TK2: variants seen among roughly 807,000 people sequenced by gnomAD.
The protein encoded by TK2 is thymidine kinase 2, mitochondrial.
In TK2, 35 loss-of-function variants were observed where a neutral mutation model predicts 41.9. The observed-to-expected ratio is 0.84, with a 90% CI of 0.64 to 1.11. The LOEUF (loss-of-function observed/expected upper bound fraction) is 1.11, where lower values mean the gene tolerates loss of function less well. TK2 is among the 50% of genes least tolerant of loss of function. TK2 has a pLI of 0.00. For synonymous variants in TK2, 128 were observed against 129.1 expected (o/e 0.99, Z 0.06); for missense variants, 320 against 351.1 (o/e 0.91, Z 0.71).
intron 6 of TK2, among the ~76,000 whole-genome samples, chr16:66,522,261 G>A (rs1964802510): frequency 6.6e-6 from 1 of 152,188 alleles, no homozygotes; most frequent in South Asian, 2.1e-4. Flanking sequence ...TTTCAGTCTA[G>A]ACAGGAGCTG....
At chr16:66,546,753 AT>A (rs201152895) in intron 2 of TK2, 10,429 of 135,556 alleles carry the variant, frequency 0.077, 413 homozygotes, top group South Asian at 0.18. Context: ...CTACTATTTG[AT>A]TTTTTTTTTT....
chr16:66,526,071 C>T (rs1201019032), intron 6 of TK2, among the ~76,000 whole-genome samples: 2 of 152,098 alleles, frequency 1.3e-5, no homozygotes, highest in East Asian at 3.9e-4. Context: ...GCGTGAGTTA[C>T]CAAAGCCCAT....
At chr16:66,542,933 C>T (rs1002701545) in intron 2 of TK2, among the ~76,000 whole-genome samples, 3 of 152,140 alleles carry the variant, frequency 2.0e-5, no homozygotes, top group Non-Finnish European at 4.4e-5. Context: ...AGCACAGTGG[C>T]GTGATCTCAG....
chr16:66,518,595 C>G (rs1036926431), intron 6 of TK2, among the ~76,000 whole-genome samples: 1 of 152,100 alleles, frequency 6.6e-6, no homozygotes, highest in Non-Finnish European at 1.5e-5. Flanking sequence ...CTGTTTAAAC[C>G]AATAAAAAAC....
At chr16:66,540,166 CTTTT>C (rs1312063566) in intron 3 of TK2, among the ~76,000 whole-genome samples, 103 of 143,240 alleles carry the variant, frequency 7.2e-4, no homozygotes, top group African/African-American at 2.5e-3. Flanking sequence ...TTCTTTCTTT[CTTTT>C]TTCTTTTTTT....
Position 66,511,902 on chromosome 16 carries a change from T to C in TK2, c.*66A>G, listed in dbSNP as rs1215562161. On this transcript the variant is annotated 3_prime_UTR_variant, in exon 10 of 10. Coordinates refer to ENST00000544898, the MANE Select transcript of TK2 (RefSeq NM_004614.5). ...CTCCTGGGAGCAAGTTTTTCCAGAT[T>C]GCTCCCAATAGCTAACTTGGCAGCA... 1 of 1,470,626 alleles carries C rather than the reference T, an allele frequency of 6.8e-7. No homozygotes were observed. Among genetic ancestry groups the C allele is most frequent in the East Asian group, 2.3e-5 (1 of 44,170 alleles). The allele number at this position is 1,470,626 out of a possible 1,614,324, so 91.1% of individuals were successfully genotyped here.
intron 8 of TK2, among the ~76,000 whole-genome samples, chr16:66,515,421 A>G (rs1964583471): frequency 6.6e-6 from 1 of 152,218 alleles, no homozygotes; most frequent in Non-Finnish European, 1.5e-5. Context: ...GCGGAGCCCA[A>G]GGGAAAAGGG....
intron 2 of TK2, among the ~76,000 whole-genome samples, chr16:66,548,330 C>G (rs770526211): frequency 2.6e-5 from 4 of 152,194 alleles, no homozygotes; most frequent in Non-Finnish European, 5.9e-5. Flanking sequence ...CCAAGCCACC[C>G]CCTTCCCAGC....
At chr16:66,526,167 G>C (rs1038149903) in intron 6 of TK2, among the ~76,000 whole-genome samples, 3 of 152,166 alleles carry the variant, frequency 2.0e-5, no homozygotes, top group Admixed American at 6.5e-5. Flanking sequence ...CTACAGGTTT[G>C]GGGGTAGGAT....
chr16:66,527,497 T>C (rs1246720921), intron 6 of TK2, among the ~76,000 whole-genome samples: 1 of 152,074 alleles, frequency 6.6e-6, no homozygotes, highest in Non-Finnish European at 1.5e-5. Context: ...CATCCAACAA[T>C]AGCTAACAGG....
Position 66,508,127 on chromosome 16 carries a change from A to G in TK2, c.*3841T>C, listed in dbSNP as rs985171048. 6.6e-6 allele frequency: 1 copy of G among 152,250 alleles called. No homozygotes were observed. The highest frequency in any genetic ancestry group is 1.5e-5 in the Non-Finnish European group (1 of 68,036). 9.4% of individuals were successfully genotyped at this position (152,250 alleles called of 1,614,324 possible). A position where few individuals can be genotyped will look rare whatever the true frequency, so the allele number is the denominator to read the frequency against. On this transcript the variant is annotated 3_prime_UTR_variant, in exon 10 of 10. Transcript: ENST00000544898. ...TCCACAGAGCCCAGTCTGGTAAACA[A>G]CAGTCTTAAAGAAAAAAAAAGAAAA...
At chr16:66,549,461 C>A in intron 1 of TK2, 1 of 1,046,650 alleles carries the variant, frequency 9.6e-7, no homozygotes, top group Non-Finnish European at 1.2e-6. Context: ...CTCTCAACAG[C>A]CATATGGCGG....
At chr16:66,545,640 G>A (rs1965584586) in intron 2 of TK2, among the ~76,000 whole-genome samples, 1 of 152,094 alleles carries the variant, frequency 6.6e-6, no homozygotes, top group South Asian at 2.1e-4. Flanking sequence ...CCTGGCTAAC[G>A]TGGTGAAACC....
intron 4 of TK2, among the ~76,000 whole-genome samples, chr16:66,535,764 T>C (rs1965257402): frequency 6.6e-6 from 1 of 152,206 alleles, no homozygotes; most frequent in African/African-American, 2.4e-5. Context: ...GTTGAATGAA[T>C]GGATGAATGC....
chr16:66,544,928 A>T (rs998033319), intron 2 of TK2, among the ~76,000 whole-genome samples: 2 of 152,010 alleles, frequency 1.3e-5, no homozygotes, highest in African/African-American at 4.8e-5. Flanking sequence ...CTCTACTAAA[A>T]ATACAAAAAT....
At chr16:66,526,398 ATCCTCTCCCC>A (rs1433340560) in intron 6 of TK2, among the ~76,000 whole-genome samples, 20 of 152,184 alleles carry the variant, frequency 1.3e-4, no homozygotes, top group African/African-American at 4.6e-4. Context: ...GCCACACTCT[ATCCTCTCCCC>A]TTAACCTCTG....
At chr16:66,525,522 C>A (rs1964905486) in intron 6 of TK2, among the ~76,000 whole-genome samples, 1 of 152,172 alleles carries the variant, frequency 6.6e-6, no homozygotes, top group African/African-American at 2.4e-5. Context: ...CTGTGGGGAG[C>A]TTTCCTCTGC....
intron 2 of TK2, among the ~76,000 whole-genome samples, chr16:66,543,864 T>C (rs977876713): frequency 6.6e-6 from 1 of 152,128 alleles, no homozygotes; most frequent in Non-Finnish European, 1.5e-5. Context: ...TCTCCCATCC[T>C]GGGTCCCTCC....
intron 3 of TK2, among the ~76,000 whole-genome samples, chr16:66,539,320 C>T (rs895989798): frequency 1.3e-5 from 2 of 152,018 alleles, no homozygotes; most frequent in African/African-American, 2.4e-5. Flanking sequence ...CAAAGGGGAC[C>T]GGGCACGGTG....
Sources: allele counts gnomAD v4.1 joint callset (sites outside exome capture counted in the v4.1 genomes callset), GRCh38; gene constraint gnomAD v4.1.1; transcripts MANE v1.5; gene names NCBI Gene and HGNC (gene_info 2026-07-23, HGNC 2026-07-21).